RPL37: variants seen among roughly 807,000 people sequenced by gnomAD.
RPL37 encodes the protein large ribosomal subunit protein eL37.
In RPL37, 1 loss-of-function variant was observed where a neutral mutation model predicts 14.8. The ratio of observed to expected loss-of-function variants is 0.07; its 90% CI spans 0.02 to 0.32. The LOEUF is 0.32. RPL37 is among the 10% of genes least tolerant of loss of function. The pLI, the probability that RPL37 is intolerant of heterozygous loss-of-function variation, is 1.00. For synonymous variants in RPL37, 53 were observed against 45.8 expected, an observed-to-expected ratio of 1.16 and a Z score of -0.63; for missense variants, 100 against 128.3, an observed-to-expected ratio of 0.78 and a Z score of 1.06.
At chr5:40,834,975 C>A (rs1745733434) in intron 1 of RPL37, 4 of 679,208 alleles carry the variant, frequency 5.9e-6, no homozygotes, top group Non-Finnish European at 1.0e-5. Context: ...GGACACAATG[C>A]GGCTCTAGCA....
rs1745593321 is a variant in RPL37 at position 40,829,655 on chromosome 5, A to G, written c.*2849T>C. ...CTCACAGAAACTCATGCATTTATCCATCATAGTGTGTGTGTGTGTGTGTAT... is the reference window on the plus strand; with the variant it reads ...CTCACAGAAACTCATGCATTTATCCGTCATAGTGTGTGTGTGTGTGTGTAT... On this transcript the variant is annotated 3_prime_UTR_variant, in exon 4 of 4. Transcript: ENST00000274242. The G allele has an allele frequency of 7.6e-6, 1 of 132,028 alleles. No homozygotes were observed. Among genetic ancestry groups the G allele is most frequent in the Non-Finnish European group, 1.6e-5 (1 of 63,182 alleles). The allele number at this position is 132,028 out of a possible 1,614,324, so 8.2% of individuals were successfully genotyped here.
rs1745675491 is a variant in RPL37 at position 40,832,933 on chromosome 5, A to C, written c.225-360T>G. Among the ~76,000 whole-genome samples, 4 of 152,374 alleles carry C rather than the reference A, an allele frequency of 2.6e-5. 1 individual carries two copies. In the South Asian group the frequency reaches 8.3e-4, roughly 32 times the overall value. Reference sequence around the variant, plus strand: ...TCCCAACTACTTTCACTAAGCAAGGAAAAAACAATTAGCATGTTTAATGGC... The same window carrying C: ...TCCCAACTACTTTCACTAAGCAAGGCAAAAACAATTAGCATGTTTAATGGC... On this transcript the variant is annotated intron_variant, in intron 3 of 3. Coordinates refer to ENST00000274242, the MANE Select transcript of RPL37 (RefSeq NM_000997.5).
At chr5:40,833,309 G>T (rs1451477672) in intron 3 of RPL37, among the ~76,000 whole-genome samples, 2 of 152,128 alleles carry the variant, frequency 1.3e-5, no homozygotes, top group African/African-American at 4.8e-5. Context: ...CCACCACAAA[G>T]AATTATCCAG....
In RPL37 at chr5:40,830,518, G is replaced by A. The variant is rs1471660108; in HGVS notation, c.*1986C>T. The A allele has an allele frequency of 1.4e-5, 2 of 145,180 alleles. No homozygotes were observed. The highest frequency in any genetic ancestry group is 5.1e-5 in the African/African-American group (2 of 38,868). The allele number at this position is 145,180 out of a possible 1,614,324, so 9.0% of individuals were successfully genotyped here. A position where few individuals can be genotyped will look rare whatever the true frequency, so the allele number is the denominator to read the frequency against. On this transcript the variant is annotated 3_prime_UTR_variant, in exon 4 of 4. Transcript: ENST00000274242. ...TTCAAGGATTTTTTTTTTTTTTTGAGGTGGAGTCTCACTGTGCCACCAGGC... is the reference window on the plus strand; with the variant it reads ...TTCAAGGATTTTTTTTTTTTTTTGAAGTGGAGTCTCACTGTGCCACCAGGC...
Position 40,825,297 on chromosome 5 carries a change from T to A in RPL37, c.*7207A>T, listed in dbSNP as rs1745487731. On this transcript the variant is annotated 3_prime_UTR_variant, in exon 4 of 4. Transcript: ENST00000274242. ...CAATATCTTTATTAAAGAAATGCAT[T>A]CCAGCAACACTGTCAGCATCTTTAT... 1 of 152,218 alleles carries A rather than the reference T, an allele frequency of 6.6e-6. No homozygotes were observed. The highest frequency in any genetic ancestry group is 1.5e-5 in the Non-Finnish European group (1 of 68,034). The allele number at this position is 152,218 out of a possible 1,614,324, so 9.4% of individuals were successfully genotyped here.
In RPL37 at chr5:40,829,127, G is replaced by C. The variant is rs896463683; in HGVS notation, c.*3377C>G. The stretch of plus-strand genomic sequence containing the variant: ...TCATGCTTAAATTATACAGAAATGG[G>C]AAGCTTGGAAGTTAGCTACTCACTT... On this transcript the variant is annotated 3_prime_UTR_variant, in exon 4 of 4. Coordinates refer to ENST00000274242, the MANE Select transcript of RPL37 (RefSeq NM_000997.5). The C allele has an allele frequency of 6.6e-6, 1 of 152,098 alleles. No homozygotes were observed. Among genetic ancestry groups the C allele is most frequent in the African/African-American group, 2.4e-5 (1 of 41,406 alleles). The allele number at this position is 152,098 out of a possible 1,614,324, so 9.4% of individuals were successfully genotyped here. A position where few individuals can be genotyped will look rare whatever the true frequency, so the allele number is the denominator to read the frequency against.
rs1745664906 is a variant in RPL37, at chr5:40,832,534, C to T, written c.264G>A (p.Arg88=). ...ATGAACTGGATGCTGCAACAGCTGC[C>T]CTCTTGGGTTTAGGTGTTGTTCCTT... ...FREGTTPKPK[R]AAVAASSSS The change falls in exon 4 of 4, where the codon AGG becomes AGA. Residue 88 remains arginine, a synonymous_variant. Transcript: ENST00000274242. 6.2e-7 allele frequency: 1 copy of T among 1,613,888 alleles called. No individual in the cohort carries two copies. Among genetic ancestry groups the T allele is most frequent in the Non-Finnish European group, 8.5e-7 (1 of 1,179,928 alleles).
rs1745635657 is a variant in RPL37, at chr5:40,831,289, ACT to A, written c.*1213_*1214del. The A allele has an allele frequency of 1.3e-5, 2 of 152,400 alleles. No homozygotes were observed. The highest frequency in any genetic ancestry group is 4.8e-5 in the African/African-American group (2 of 41,556). The allele number at this position is 152,400 out of a possible 1,614,324, so 9.4% of individuals were successfully genotyped here. A position where few individuals can be genotyped will look rare whatever the true frequency, so the allele number is the denominator to read the frequency against. On this transcript the variant is annotated 3_prime_UTR_variant, in exon 4 of 4. Coordinates refer to ENST00000274242, the MANE Select transcript of RPL37 (RefSeq NM_000997.5). ...AAACAAGAAAGGCAATGGCAATTGG[ACT>A]CTAACCATACATCTTTAAAGTATAG... is the stretch of plus-strand genomic sequence containing the variant.
rs555817834 is a variant in RPL37 at position 40,828,069 on chromosome 5, G to T, written c.*4435C>A. ...AAATAATTCTGTAATGTATTGCTTTGCTTTTCTTACATGAAGTTATGCTAT... is the reference window on the plus strand; with the variant it reads ...AAATAATTCTGTAATGTATTGCTTTTCTTTTCTTACATGAAGTTATGCTAT... On this transcript the variant is annotated 3_prime_UTR_variant, in exon 4 of 4. Transcript: ENST00000274242. 6.6e-6 allele frequency: 1 copy of T among 152,166 alleles called. No homozygotes were observed. The highest frequency in any genetic ancestry group is 2.1e-4 in the South Asian group (1 of 4,806). 9.4% of individuals were successfully genotyped at this position (152,166 alleles called of 1,614,324 possible). A position where few individuals can be genotyped will look rare whatever the true frequency, so the allele number is the denominator to read the frequency against.
chr5:40,834,626 A>T lies in RPL37; in HGVS notation c.4-20T>A. The T allele has an allele frequency of 6.3e-7, 1 of 1,590,068 alleles. No individual in the cohort carries two copies. Among genetic ancestry groups the T allele is most frequent in the Non-Finnish European group, 8.5e-7 (1 of 1,171,296 alleles). On this transcript the variant is annotated intron_variant, in intron 1 of 3. Coordinates refer to ENST00000274242, the MANE Select transcript of RPL37 (RefSeq NM_000997.5). Reference sequence around the variant, plus strand: ...CTTCGTCTGCACATTAAAGGAATAAATAGTTCTGAAACCTGGCAACTTCTA... The same window carrying T: ...CTTCGTCTGCACATTAAAGGAATAATTAGTTCTGAAACCTGGCAACTTCTA...
rs1487835438 is a variant in RPL37, at chr5:40,828,298, A to G, written c.*4206T>C. The G allele has an allele frequency of 6.6e-6, 1 of 152,192 alleles. No individual in the cohort carries two copies. Among genetic ancestry groups the G allele is most frequent in the East Asian group, 1.9e-4 (1 of 5,202 alleles). 9.4% of individuals were successfully genotyped at this position (152,192 alleles called of 1,614,324 possible). A position where few individuals can be genotyped will look rare whatever the true frequency, so the allele number is the denominator to read the frequency against. ...GTCTTACACACTTATCACTATCTGC[A>G]ATTGTCTATTATGTCACCTTCCACA... On this transcript the variant is annotated 3_prime_UTR_variant, in exon 4 of 4. Transcript: ENST00000274242.
intron 3 of RPL37, among the ~76,000 whole-genome samples, chr5:40,833,250 G>A (rs1270807042): frequency 6.6e-6 from 1 of 152,142 alleles, no homozygotes; most frequent in African/African-American, 2.4e-5. Context: ...AGACTGAGTG[G>A]GTAGAGGCTA....
At chr5:40,835,074 C>T in intron 1 of RPL37, 109 bp downstream of exon 1, 1 of 1,491,318 alleles carries the variant, frequency 6.7e-7, no homozygotes, top group Non-Finnish European at 9.3e-7. Context: ...CTTTCCAGCC[C>T]ACCAGTTCCC....
In RPL37 at chr5:40,828,280, A is replaced by G. The variant is rs1206798126; in HGVS notation, c.*4224T>C. ...TACGCTCGTGGTATCCTTGTCTTACACACTTATCACTATCTGCAATTGTCT... is the reference window on the plus strand; with the variant it reads ...TACGCTCGTGGTATCCTTGTCTTACGCACTTATCACTATCTGCAATTGTCT... On this transcript the variant is annotated 3_prime_UTR_variant, in exon 4 of 4. Transcript: ENST00000274242. 1 of 152,194 alleles carries G rather than the reference A, an allele frequency of 6.6e-6. No homozygotes were observed. The highest frequency in any genetic ancestry group is 6.5e-5 in the Admixed American group (1 of 15,274). 9.4% of individuals were successfully genotyped at this position (152,194 alleles called of 1,614,324 possible). A position where few individuals can be genotyped will look rare whatever the true frequency, so the allele number is the denominator to read the frequency against.
rs979067351 is a variant in RPL37, at chr5:40,825,264, TCATTGTA to T, written c.*7233_*7239del. 7 of 152,310 alleles carry T rather than the reference TCATTGTA, an allele frequency of 4.6e-5. No homozygotes were observed. Among genetic ancestry groups the T allele is most frequent in the Middle Eastern group, 3.4e-3 (1 of 294 alleles). The allele number at this position is 152,310 out of a possible 1,614,324, so 9.4% of individuals were successfully genotyped here. On this transcript the variant is annotated 3_prime_UTR_variant, in exon 4 of 4. Coordinates refer to ENST00000274242, the MANE Select transcript of RPL37 (RefSeq NM_000997.5). ...ACAAATTTGCTGCAAAAGTAGTATT[TCATTGTA>T]CAATATCTTTATTAAAGAAATGCAT... is the stretch of plus-strand genomic sequence containing the variant.
intron 1 of RPL37, 51 bp from the exon 2 acceptor site, chr5:40,834,657 A>G (rs1745723980): frequency 1.4e-5 from 21 of 1,541,290 alleles, no homozygotes; most frequent in Non-Finnish European, 1.7e-5. Context: ...TTCTAGATTT[A>G]CTCGAGTTCT....
In RPL37 at chr5:40,830,762, C is replaced by T. The variant is rs1745624656; in HGVS notation, c.*1742G>A. The stretch of plus-strand genomic sequence containing the variant: ...CGCCCACCTCGGCCTCCCAAAGTGC[C>T]AGGATTACAGCCGTGAGCCACCACA... On this transcript the variant is annotated 3_prime_UTR_variant, in exon 4 of 4. Transcript: ENST00000274242. 6.6e-6 allele frequency: 1 copy of T among 151,454 alleles called. No homozygotes were observed. The highest frequency in any genetic ancestry group is 2.1e-4 in the South Asian group (1 of 4,778). 9.4% of individuals were successfully genotyped at this position (151,454 alleles called of 1,614,324 possible).
chr5:40,831,488 C>G lies in RPL37; in HGVS notation c.*1016G>C, dbSNP rs138530302. 2.0e-5 allele frequency: 3 copies of G among 152,282 alleles called. No homozygotes were observed. The highest frequency in any genetic ancestry group is 4.8e-5 in the African/African-American group (2 of 41,506). 9.4% of individuals were successfully genotyped at this position (152,282 alleles called of 1,614,324 possible). A position where few individuals can be genotyped will look rare whatever the true frequency, so the allele number is the denominator to read the frequency against. On this transcript the variant is annotated 3_prime_UTR_variant, in exon 4 of 4. Transcript: ENST00000274242. ...TCCAGGTTACAAGTAAAAGTGATAC[C>G]CTTCCAAGGCCAGGTTAAGAACCTC...
At chr5:40,834,099 G>C in intron 3 of RPL37, 82 bp downstream of exon 3, 2 of 943,224 alleles carry the variant, frequency 2.1e-6, no homozygotes, top group South Asian at 2.6e-5. Context: ...AACCATCAGG[G>C]TACTGTTATC....
Sources: gnomAD v4.1 joint callset for allele counts (sites outside exome capture counted in the v4.1 genomes callset) on GRCh38, gnomAD v4.1.1 for gene constraint, MANE v1.5 for transcripts, NCBI Gene and HGNC (gene_info 2026-07-23, HGNC 2026-07-21) for gene names.